Variants in MGAT4C observed in about 807,000 individuals in gnomAD.
MGAT4C encodes the protein MGAT4 family member C, also known as alpha-1,3-mannosyl-glycoprotein 4-beta-N-acetylglucosaminyltransferase C.
In MGAT4C, 19 loss-of-function variants were observed where a neutral mutation model predicts 40.1. The observed-to-expected ratio is 0.47, with a 90% CI of 0.33 to 0.70. The LOEUF (loss-of-function observed/expected upper bound fraction) is 0.70. MGAT4C is among the 30% of genes least tolerant of loss of function. MGAT4C has a pLI of 0.02. For synonymous variants in MGAT4C, 181 were observed against 187.1 expected, an observed-to-expected ratio of 0.97 and a Z score of 0.27; for missense variants, 491 against 563.2, an observed-to-expected ratio of 0.87 and a Z score of 1.30.
intron 1 of MGAT4C, among the ~76,000 whole-genome samples, chr12:86,058,692 G>A (rs1322704653): frequency 6.6e-6 from 1 of 152,054 alleles, no homozygotes; most frequent in Admixed American, 6.6e-5. Flanking sequence ...GGTATATAGT[G>A]TAGAAAAATG....
chr12:86,808,678 T>G (rs1952411062), intron 1 of MGAT4C, among the ~76,000 whole-genome samples: 1 of 152,008 alleles, frequency 6.6e-6, no homozygotes, highest in Non-Finnish European at 1.5e-5. Context: ...TCATACTGAA[T>G]AGGCAAAAAC....
chr12:86,699,393 T>C (rs557242566), intron 2 of MGAT4C, among the ~76,000 whole-genome samples: 2 of 152,286 alleles, frequency 1.3e-5, no homozygotes, highest in African/African-American at 4.8e-5. Flanking sequence ...TTTATTCACA[T>C]AATTTTAGAT....
At chr12:86,643,405 A>G (rs1450901350) in intron 2 of MGAT4C, among the ~76,000 whole-genome samples, 1 of 151,874 alleles carries the variant, frequency 6.6e-6, no homozygotes, top group Non-Finnish European at 1.5e-5. Context: ...AGCCATAACC[A>G]CATTGTTCAT....
intron 2 of MGAT4C, among the ~76,000 whole-genome samples, chr12:86,590,554 C>T (rs943491405): frequency 6.6e-6 from 1 of 151,958 alleles, no homozygotes; most frequent in Non-Finnish European, 1.5e-5. Context: ...GTAATCTTAG[C>T]TGCTGTTTCT....
At position 86,175,167 on chromosome 12, in the gene MGAT4C, G is replaced by A. The variant is rs118030018; in HGVS notation, c.-57+81072C>T. On this transcript the variant is annotated intron_variant, in intron 1 of 4. Transcript: ENST00000611864. ...CTTAAATCAAAGAATGTATAGAAAT[G>A]TACGATATAATCAAGTTTTTGAAGT... Among the ~76,000 whole-genome samples the A allele has an allele frequency of 3.3e-5, 5 of 152,220 alleles. No homozygotes were observed. The East Asian group carries it at 9.7e-4, about 29-fold the overall frequency.
At chr12:86,512,498 T>C (rs540034556) in intron 2 of MGAT4C, among the ~76,000 whole-genome samples, 1 of 152,258 alleles carries the variant, frequency 6.6e-6, no homozygotes, top group East Asian at 1.9e-4. Flanking sequence ...ACTTGGAGTA[T>C]CATTCATAAT....
intron 1 of MGAT4C, among the ~76,000 whole-genome samples, chr12:86,818,472 A>G (rs1566012523): frequency 6.6e-6 from 1 of 151,146 alleles, no homozygotes; most frequent in Non-Finnish European, 1.5e-5. Context: ...GAATTGTTAG[A>G]GGCATGGAAA....
Position 86,782,386 on chromosome 12 carries a change from T to C in MGAT4C, c.-261-55145A>G, listed in dbSNP as rs560161168. Among the ~76,000 whole-genome samples the C allele has an allele frequency of 9.9e-5, 15 of 151,980 alleles. No homozygotes were observed. In the South Asian group the frequency reaches 3.1e-3, roughly 32 times the overall value. On this transcript the variant is annotated intron_variant, in intron 1 of 7. Transcript: ENST00000548651. ...TTAATAGAGACAGGGTTTCACCATGTTAGCCAGGATGGTCTCAATCTCCTG... is the reference window on the plus strand; with the variant it reads ...TTAATAGAGACAGGGTTTCACCATGCTAGCCAGGATGGTCTCAATCTCCTG...
chr12:86,829,097 C>T lies in MGAT4C; in HGVS notation c.-262+9569G>A, dbSNP rs143621678. ...TGGAAAACTTTGTTTGTTGCCTCACCGAAGAGTAATTTCATAGCAAAACAC... is the reference window on the plus strand; with the variant it reads ...TGGAAAACTTTGTTTGTTGCCTCACTGAAGAGTAATTTCATAGCAAAACAC... On this transcript the variant is annotated intron_variant, in intron 1 of 7. Transcript: ENST00000548651. 3.3e-3 allele frequency among the ~76,000 whole-genome samples: 501 copies of T among 151,410 alleles called. 1 individual carries two copies. Among genetic ancestry groups the T allele is most frequent in the African/African-American group, 0.012 (480 of 41,418 alleles).
chr12:86,480,714 T>C (rs1357600697), intron 2 of MGAT4C, among the ~76,000 whole-genome samples: 4 of 151,786 alleles, frequency 2.6e-5, no homozygotes, highest in Non-Finnish European at 3.0e-5. Flanking sequence ...ACTTATAGTT[T>C]TTATAAAAAC....
intron 4 of MGAT4C, among the ~76,000 whole-genome samples, chr12:86,315,700 C>G (rs1444042029): frequency 1.3e-5 from 2 of 151,724 alleles, no homozygotes; most frequent in Non-Finnish European, 2.9e-5. Flanking sequence ...GGCGAGACTC[C>G]GTTTCAAAGT....
intron 2 of MGAT4C, among the ~76,000 whole-genome samples, chr12:86,633,152 G>A (rs867144762): frequency 2.6e-5 from 4 of 151,738 alleles, no homozygotes; most frequent in Admixed American, 6.6e-5. Flanking sequence ...TAAAATAACC[G>A]ATTATTGCAA....
chr12:86,579,321 T>G (rs1212432422), intron 2 of MGAT4C, among the ~76,000 whole-genome samples: 1 of 151,660 alleles, frequency 6.6e-6, no homozygotes, highest in East Asian at 1.9e-4. Context: ...GTATCCATTG[T>G]AAGTTTCTTG....
At chr12:86,357,258 G>A (rs1955336235) in intron 3 of MGAT4C, among the ~76,000 whole-genome samples, 1 of 152,158 alleles carries the variant, frequency 6.6e-6, no homozygotes, top group South Asian at 2.1e-4. Flanking sequence ...GCAGCTGAGG[G>A]TCCTGACTAT....
intron 3 of MGAT4C, among the ~76,000 whole-genome samples, chr12:86,338,958 C>CAA (rs67462771): frequency 0.12 from 7,651 of 65,966 alleles, 1,588 homozygotes; most frequent in Non-Finnish European, 0.15. Flanking sequence ...GACTCCATCT[C>CAA]AAAAAAAAAA....
rs535263246 is a variant in MGAT4C, at chr12:86,803,156, C to A, written c.-262+35510G>T. Among the ~76,000 whole-genome samples, 171 of 149,654 alleles carry A rather than the reference C, an allele frequency of 1.1e-3. 1 individual carries two copies. Among genetic ancestry groups the A allele is most frequent in the African/African-American group, 4.0e-3 (166 of 41,116 alleles). The stretch of plus-strand genomic sequence containing the variant: ...CTTTGACAAACCTGAGAAAAACAAG[C>A]AATGGGGAAAGGATTCCCTATTTAA... On this transcript the variant is annotated intron_variant, in intron 1 of 7. Transcript: ENST00000548651.
At chr12:86,763,301 T>C (rs1483598913) in intron 1 of MGAT4C, among the ~76,000 whole-genome samples, 1 of 152,216 alleles carries the variant, frequency 6.6e-6, no homozygotes, top group African/African-American at 2.4e-5. Context: ...CAAGGGTATA[T>C]TGAAAACTAG....
At position 86,359,668 on chromosome 12, in the gene MGAT4C, A is replaced by G. The variant is rs1250869795; in HGVS notation, c.-119-25541T>C. Among the ~76,000 whole-genome samples, 4 of 152,354 alleles carry G rather than the reference A, an allele frequency of 2.6e-5. No homozygotes were observed. The East Asian group carries it at 7.7e-4, about 29-fold the overall frequency. On this transcript the variant is annotated intron_variant, in intron 3 of 7. Coordinates refer to the MGAT4C transcript ENST00000548651. The stretch of plus-strand genomic sequence containing the variant: ...GGGGATATCACCAACAATCCCACAG[A>G]AATACAAACTACCATCAGAGAATAC...
chr12:86,733,928 T>C (rs886883870), intron 1 of MGAT4C, among the ~76,000 whole-genome samples: 21 of 152,126 alleles, frequency 1.4e-4, no homozygotes, highest in African/African-American at 4.6e-4. Flanking sequence ...ACATATTGTG[T>C]TCACTTGAAT....
Sources: gnomAD v4.1 joint callset for allele counts (sites outside exome capture counted in the v4.1 genomes callset) on GRCh38, gnomAD v4.1.1 for gene constraint, MANE v1.5 for transcripts, NCBI Gene and HGNC (gene_info 2026-07-23, HGNC 2026-07-21) for gene names.